RNF24: variants seen among roughly 807,000 people sequenced by gnomAD.
RNF24 encodes ring finger protein 24.
RNF24 carries 14 observed loss-of-function variants against 20.0 expected under a neutral mutation model. The observed-to-expected ratio is 0.70, with a 90% CI of 0.46 to 1.10. The LOEUF (loss-of-function observed/expected upper bound fraction) is 1.10, where lower values mean the gene tolerates loss of function less well. RNF24 is among the 50% of genes least tolerant of loss of function. The pLI, the probability that RNF24 is intolerant of heterozygous loss-of-function variation, is 0.00. For missense variants in RNF24, 124 were observed against 177.6 expected, an observed-to-expected ratio of 0.70 and a Z score of 1.71; for synonymous variants, 45 against 61.1, an observed-to-expected ratio of 0.74 and a Z score of 1.23.
At chr20:3,977,386 GTA>G (rs1325531323) in intron 1 of RNF24, among the ~76,000 whole-genome samples, 1 of 152,136 alleles carries the variant, frequency 6.6e-6, no homozygotes, top group African/African-American at 2.4e-5. Context: ...CAAACAGTAT[GTA>G]TAATTTTCAT....
chr20:3,980,138 T>C (rs1033887684), intron 1 of RNF24, among the ~76,000 whole-genome samples: 6 of 152,230 alleles, frequency 3.9e-5, no homozygotes, highest in Admixed American at 3.9e-4. Context: ...GAATAGATTT[T>C]ATAGGAATAT....
intron 4 of RNF24, among the ~76,000 whole-genome samples, chr20:3,937,992 TC>T (rs2090912232): frequency 6.6e-6 from 1 of 152,194 alleles, no homozygotes; most frequent in South Asian, 2.1e-4. Flanking sequence ...AATTGCTGGG[TC>T]ATATGGTAAC....
intron 2 of RNF24, among the ~76,000 whole-genome samples, chr20:3,949,803 T>G (rs1276816978): frequency 1.3e-5 from 2 of 152,234 alleles, no homozygotes; most frequent in Non-Finnish European, 2.9e-5. Flanking sequence ...AAGTCTAATT[T>G]ATCAACTTTT....
At position 3,970,543 on chromosome 20, in the gene RNF24, T is replaced by C. The variant is rs2091304352; in HGVS notation, c.-7-6519A>G. Among the ~76,000 whole-genome samples the C allele has an allele frequency of 2.0e-5, 3 of 152,178 alleles. No individual in the cohort carries two copies. The South Asian group carries it at 6.2e-4, about 32-fold the overall frequency. ...AAATGTTAAAATTATCTGACAAAGA[T>C]TTTAAAGTAGCCGTCATCAAATTGT... On this transcript the variant is annotated intron_variant, in intron 1 of 5. Coordinates refer to ENST00000358395, the MANE Select transcript of RNF24 (RefSeq NM_001134337.3).
Position 3,930,152 on chromosome 20 carries a change from AAG to A in RNF24, c.*3909_*3910del, listed in dbSNP as rs773491083. The stretch of plus-strand genomic sequence containing the variant: ...GGAGCTTGCTAGGCATCAGGAACTC[AAG>A]AAAGGCTTTTAACTACTTTATGATT... On this transcript the variant is annotated 3_prime_UTR_variant, in exon 6 of 6. Transcript: ENST00000358395. The A allele has an allele frequency of 5.9e-5, 9 of 152,258 alleles. No individual in the cohort carries two copies. Among genetic ancestry groups the A allele is most frequent in the Non-Finnish European group, 1.3e-4 (9 of 68,046 alleles). The allele number at this position is 152,258 out of a possible 1,614,324, so 9.4% of individuals were successfully genotyped here.
chr20:3,979,672 C>A (rs1979219079), intron 1 of RNF24, among the ~76,000 whole-genome samples: 1 of 151,834 alleles, frequency 6.6e-6, no homozygotes. Context: ...TGAAACTCCA[C>A]CTCAAAAAAA....
intron 1 of RNF24, among the ~76,000 whole-genome samples, chr20:4,008,368 TATTA>T (rs150384359): frequency 0.054 from 2,131 of 39,606 alleles, 119 homozygotes; most frequent in African/African-American, 0.074. Context: ...ATAATATATA[TATTA>T]TATATATAAT....
At chr20:4,002,061 G>A (rs2122123955) in intron 1 of RNF24, among the ~76,000 whole-genome samples, 1 of 152,066 alleles carries the variant, frequency 6.6e-6, no homozygotes, top group East Asian at 1.9e-4. Flanking sequence ...GACTAGCCTG[G>A]GCCACATCAT....
chr20:3,984,373 C>T (rs1332911966), intron 1 of RNF24, among the ~76,000 whole-genome samples: 1 of 152,154 alleles, frequency 6.6e-6, no homozygotes, highest in Non-Finnish European at 1.5e-5. Flanking sequence ...GGCAAGGCTG[C>T]ATTTCTGGAT....
chr20:3,932,821 T>C lies in RNF24; in HGVS notation c.*1242A>G. On this transcript the variant is annotated 3_prime_UTR_variant, in exon 6 of 6. Transcript: ENST00000358395. ...CTAATTTATACAATATTCACAAATC[T>C]TAATGGACTTTGAGTCATTTCTAGA... The C allele has an allele frequency of 2.5e-6, 1 of 397,972 alleles. No individual in the cohort carries two copies. Among genetic ancestry groups the C allele is most frequent in the African/African-American group, 2.1e-5 (1 of 48,762 alleles). The allele number at this position is 397,972 out of a possible 1,614,324, so 24.7% of individuals were successfully genotyped here. A position where few individuals can be genotyped will look rare whatever the true frequency, so the allele number is the denominator to read the frequency against.
At chr20:3,962,082 G>A (rs1202565441) in intron 2 of RNF24, among the ~76,000 whole-genome samples, 1 of 152,166 alleles carries the variant, frequency 6.6e-6, no homozygotes, top group African/African-American at 2.4e-5. Context: ...GCCAGATGTG[G>A]TGGCTCACCC....
At chr20:3,982,034 C>G (rs1979432263) in intron 1 of RNF24, among the ~76,000 whole-genome samples, 1 of 151,214 alleles carries the variant, frequency 6.6e-6, no homozygotes, top group South Asian at 2.1e-4. Flanking sequence ...GGGAGGATCA[C>G]CTGAGCCCAG....
At chr20:4,008,376 A>ATAATATACAATATG (rs1555803316) in intron 1 of RNF24, among the ~76,000 whole-genome samples, 1 of 35,642 alleles carries the variant, frequency 2.8e-5, no homozygotes, top group Non-Finnish European at 5.0e-5. Flanking sequence ...TATATTATAT[A>ATAATATACAATATG]TATAATATAT....
chr20:3,954,513 T>C (rs1448385343), intron 2 of RNF24, among the ~76,000 whole-genome samples: 1 of 152,226 alleles, frequency 6.6e-6, no homozygotes, highest in Non-Finnish European at 1.5e-5. Flanking sequence ...CTTTTGGCTA[T>C]TATGAAACAT....
chr20:3,971,144 T>C (rs560190235), intron 1 of RNF24, among the ~76,000 whole-genome samples: 1 of 152,102 alleles, frequency 6.6e-6, no homozygotes, highest in Admixed American at 6.5e-5. Flanking sequence ...ACTAAGGAGA[T>C]ACCATTGGGG....
chr20:3,981,100 G>A (rs6052209), intron 1 of RNF24, among the ~76,000 whole-genome samples: 20,351 of 151,866 alleles, frequency 0.13, 1,541 homozygotes, highest in Non-Finnish European at 0.17. Flanking sequence ...TTCTGGACCA[G>A]ATGTAGGTTG....
At chr20:3,972,943 C>T (rs1195166897) in intron 1 of RNF24, among the ~76,000 whole-genome samples, 1 of 145,576 alleles carries the variant, frequency 6.9e-6, no homozygotes, top group African/African-American at 2.5e-5. Context: ...TGGCTCACGC[C>T]TGTAATCTCA....
chr20:3,959,033 C>A (rs1404595950), intron 2 of RNF24, among the ~76,000 whole-genome samples: 1 of 152,126 alleles, frequency 6.6e-6, no homozygotes, highest in East Asian at 1.9e-4. Flanking sequence ...CTGCCCTGGG[C>A]CCATTTTATT....
At chr20:3,979,526 T>C (rs1402381234) in intron 1 of RNF24, among the ~76,000 whole-genome samples, 1 of 151,848 alleles carries the variant, frequency 6.6e-6, no homozygotes, top group Non-Finnish European at 1.5e-5. Flanking sequence ...AATACAAAAA[T>C]TAGCCGGGTG....
Sources: allele counts gnomAD v4.1 joint callset (sites outside exome capture counted in the v4.1 genomes callset), GRCh38; gene constraint gnomAD v4.1.1; transcripts MANE v1.5; gene names NCBI Gene and HGNC (gene_info 2026-07-23, HGNC 2026-07-21).